The following SSBP2 variants were observed in gnomAD, a reference collection of about 807,000 sequenced individuals.
The protein encoded by SSBP2 is single stranded DNA binding protein 2.
Under a neutral mutation model 61.8 loss-of-function variants are expected in SSBP2, and 17 were observed. The ratio of observed to expected loss-of-function variants is 0.28; its 90% CI spans 0.19 to 0.41. The LOEUF (loss-of-function observed/expected upper bound fraction) is 0.41, where lower values mean the gene tolerates loss of function less well. Among genes scored for constraint, SSBP2 ranks in the 10% least tolerant of loss-of-function variants. The pLI, the probability that SSBP2 is intolerant of heterozygous loss-of-function variation, is 1.00. For synonymous variants in SSBP2, 139 were observed against 141.3 expected (o/e 0.98, Z 0.12); for missense variants, 310 against 458.7 (o/e 0.68, Z 2.96).
intron 1 of SSBP2, among the ~76,000 whole-genome samples, chr5:81,734,008 T>C (rs946913388): frequency 2.0e-5 from 3 of 152,154 alleles, no homozygotes; most frequent in Non-Finnish European, 2.9e-5. Context: ...ATCAGAAATA[T>C]GCAAGTTGTA....
At chr5:81,591,225 G>GC (rs2036849011) in intron 4 of SSBP2, among the ~76,000 whole-genome samples, 2 of 152,116 alleles carry the variant, frequency 1.3e-5, no homozygotes, top group Non-Finnish European at 1.5e-5. Context: ...ACTGATATCA[G>GC]AGCACAAACA....
At position 81,724,682 on chromosome 5, in the gene SSBP2, A is replaced by C. The variant is rs140095854; in HGVS notation, c.62+26299T>G. Among the ~76,000 whole-genome samples the C allele has an allele frequency of 7.8e-4, 118 of 152,232 alleles. 1 individual carries two copies. In the East Asian group the frequency reaches 0.022, roughly 28 times the overall value. On this transcript the variant is annotated intron_variant, in intron 1 of 16. Transcript: ENST00000320672. ...CCCAAATATAAAATATAAAATTATA[A>C]AGCAAATAGAAAATGGAGAGGGATA...
chr5:81,498,637 C>T (rs1039587081), intron 5 of SSBP2, among the ~76,000 whole-genome samples: 1 of 151,712 alleles, frequency 6.6e-6, no homozygotes, highest in African/African-American at 2.4e-5. Context: ...CATGATGTGC[C>T]CTTTTTTAGT....
intron 4 of SSBP2, among the ~76,000 whole-genome samples, chr5:81,547,324 C>T (rs764022143): frequency 6.6e-6 from 1 of 152,152 alleles, no homozygotes; most frequent in African/African-American, 2.4e-5. Flanking sequence ...TTTGTAGCAG[C>T]TTTATAATTG....
intron 4 of SSBP2, among the ~76,000 whole-genome samples, chr5:81,514,682 C>T (rs1561489643): frequency 6.6e-6 from 1 of 151,860 alleles, no homozygotes; most frequent in Non-Finnish European, 1.5e-5. Context: ...CTATCTTCAC[C>T]TATATTTCAG....
chr5:81,569,747 A>G (rs1225203688), intron 4 of SSBP2, among the ~76,000 whole-genome samples: 1 of 152,230 alleles, frequency 6.6e-6, no homozygotes. Flanking sequence ...CAGGTTTTAA[A>G]AAAAATCTTC....
At chr5:81,484,063 C>T (rs1250292804) in intron 6 of SSBP2, among the ~76,000 whole-genome samples, 2 of 152,060 alleles carry the variant, frequency 1.3e-5, no homozygotes, top group Non-Finnish European at 2.9e-5. Context: ...AGTTTGTCCA[C>T]CAATGTATCC....
chr5:81,496,952 AC>A (rs1432011306), intron 5 of SSBP2, among the ~76,000 whole-genome samples: 1 of 152,186 alleles, frequency 6.6e-6, no homozygotes, highest in Non-Finnish European at 1.5e-5. Context: ...CAACTGTGCA[AC>A]CATTTATTAA....
chr5:81,423,031 G>A (rs1761707817), intron 16 of SSBP2, among the ~76,000 whole-genome samples: 1 of 152,200 alleles, frequency 6.6e-6, no homozygotes, highest in African/African-American at 2.4e-5. Flanking sequence ...AAGTTTAGAG[G>A]CAAGAATAAA....
chr5:81,512,675 A>ATTATTT (rs1405143529), intron 5 of SSBP2, among the ~76,000 whole-genome samples: 1 of 152,132 alleles, frequency 6.6e-6, no homozygotes, highest in Non-Finnish European at 1.5e-5. Context: ...GGTTTGGAAA[A>ATTATTT]TTATTTATAA....
chr5:81,592,567 G>A (rs1233198367), intron 4 of SSBP2, among the ~76,000 whole-genome samples: 2 of 152,200 alleles, frequency 1.3e-5, no homozygotes, highest in Non-Finnish European at 2.9e-5. Flanking sequence ...TGACCCCTGA[G>A]TAGCCTAAGT....
intron 4 of SSBP2, among the ~76,000 whole-genome samples, chr5:81,568,213 T>A (rs1389288966): frequency 3.3e-5 from 5 of 152,170 alleles, no homozygotes; most frequent in Non-Finnish European, 7.4e-5. Flanking sequence ...AATTCCCACG[T>A]ATTGTGGAAG....
At chr5:81,686,674 G>A (rs1040626560) in intron 1 of SSBP2, among the ~76,000 whole-genome samples, 8 of 151,772 alleles carry the variant, frequency 5.3e-5, no homozygotes, top group African/African-American at 9.7e-5. Context: ...GGCCAGTATG[G>A]TGAAACCCCG....
intron 4 of SSBP2, among the ~76,000 whole-genome samples, chr5:81,605,307 A>C (rs1744768113): frequency 6.6e-6 from 1 of 152,168 alleles, no homozygotes; most frequent in African/African-American, 2.4e-5. Flanking sequence ...ATGATAAATT[A>C]TTCCTTCTTT....
chr5:81,651,875 A>T (rs1274309584), intron 1 of SSBP2, among the ~76,000 whole-genome samples: 1 of 152,166 alleles, frequency 6.6e-6, no homozygotes, highest in Non-Finnish European at 1.5e-5. Context: ...ATGATGGCAA[A>T]TTGTATCTTG....
intron 1 of SSBP2, among the ~76,000 whole-genome samples, chr5:81,665,131 A>G (rs1751001742): frequency 6.6e-6 from 1 of 152,180 alleles, no homozygotes. Context: ...AAAGCATTTA[A>G]ATCTATAAAT....
At chr5:81,740,553 C>T (rs1424020031) in intron 1 of SSBP2, among the ~76,000 whole-genome samples, 2 of 152,160 alleles carry the variant, frequency 1.3e-5, no homozygotes, top group Non-Finnish European at 2.9e-5. Flanking sequence ...TCACACGGAG[C>T]TTCTCAGGTG....
intron 2 of SSBP2, among the ~76,000 whole-genome samples, chr5:81,639,774 A>C: frequency 6.6e-6 from 1 of 152,328 alleles, no homozygotes; most frequent in Non-Finnish European, 1.5e-5. Flanking sequence ...GATTTCAAAA[A>C]AATTCAAGGA....
At chr5:81,441,847 C>T (rs988025665) in intron 13 of SSBP2, among the ~76,000 whole-genome samples, 2 of 152,170 alleles carry the variant, frequency 1.3e-5, no homozygotes, top group Non-Finnish European at 2.9e-5. Context: ...TTTAAACTTA[C>T]TGCTGTTATT....
Sources: gnomAD v4.1 joint callset for allele counts (sites outside exome capture counted in the v4.1 genomes callset) on GRCh38, gnomAD v4.1.1 for gene constraint, MANE v1.5 for transcripts, NCBI Gene and HGNC (gene_info 2026-07-23, HGNC 2026-07-21) for gene names.